CTNNA3: variants seen among roughly 807,000 people sequenced by gnomAD.
CTNNA3 encodes the protein catenin alpha 3.
A neutral mutation model predicts 95.7 loss-of-function variants in CTNNA3; 76 were observed. The observed-to-expected ratio is 0.79, with a 90% CI of 0.66 to 0.96. The LOEUF (loss-of-function observed/expected upper bound fraction) is 0.96, where lower values mean the gene tolerates loss of function less well. CTNNA3 is among the 40% of genes least tolerant of loss of function. The probability of loss-of-function intolerance (pLI) is 0.00; values close to 1 mark genes in which losing one functional copy is unlikely to be tolerated. For synonymous variants in CTNNA3, 431 were observed against 374.4 expected (o/e 1.15, Z -1.74); for missense variants, 1,191 against 1,089.8 (o/e 1.09, Z -1.31).
At chr10:67,118,657 T>C (rs921721097) in intron 7 of CTNNA3, among the ~76,000 whole-genome samples, 1 of 151,944 alleles carries the variant, frequency 6.6e-6, no homozygotes, top group Non-Finnish European at 1.5e-5. Flanking sequence ...CAAAATATTT[T>C]CTGAGTGCCT....
chr10:65,991,123 C>T (rs572066484), intron 15 of CTNNA3, among the ~76,000 whole-genome samples: 211 of 151,418 alleles, frequency 1.4e-3, no homozygotes, highest in Middle Eastern at 3.4e-3. Flanking sequence ...TCTATTTTTA[C>T]GCTCATACAA....
At chr10:66,878,319 C>G (rs927756096) in intron 7 of CTNNA3, among the ~76,000 whole-genome samples, 1 of 152,066 alleles carries the variant, frequency 6.6e-6, no homozygotes, top group African/African-American at 2.4e-5. Context: ...CTATTTGCAG[C>G]CTCAACTCCC....
intron 2 of CTNNA3, among the ~76,000 whole-genome samples, chr10:67,629,593 G>C (rs1163162716): frequency 6.6e-6 from 1 of 152,204 alleles, no homozygotes; most frequent in Non-Finnish European, 1.5e-5. Context: ...ACTCTGGATT[G>C]CTGCTGCTAA....
intron 6 of CTNNA3, among the ~76,000 whole-genome samples, chr10:67,181,996 C>T (rs1290896996): frequency 2.6e-5 from 4 of 151,832 alleles, no homozygotes; most frequent in Non-Finnish European, 4.4e-5. Context: ...ATGTGAAGGA[C>T]CTCTTCAAGG....
chr10:66,502,029 A>C (rs1840294183), intron 11 of CTNNA3, among the ~76,000 whole-genome samples: 1 of 152,268 alleles, frequency 6.6e-6, no homozygotes. Flanking sequence ...GAAATATTTC[A>C]GAATAAAAGT....
At chr10:66,859,561 G>A (rs1458207567) in intron 7 of CTNNA3, among the ~76,000 whole-genome samples, 2 of 151,154 alleles carry the variant, frequency 1.3e-5, no homozygotes, top group African/African-American at 2.4e-5. Context: ...CTTTTACACT[G>A]TTGGTGGGAC....
intron 15 of CTNNA3, among the ~76,000 whole-genome samples, chr10:66,023,972 T>C (rs1038001539): frequency 2.6e-5 from 4 of 152,164 alleles, no homozygotes; most frequent in Non-Finnish European, 5.9e-5. Flanking sequence ...TTCAGAAACA[T>C]TTCTTCTCAC....
chr10:66,434,814 G>C (rs1197387333), intron 11 of CTNNA3, among the ~76,000 whole-genome samples: 1 of 152,008 alleles, frequency 6.6e-6, no homozygotes, highest in Non-Finnish European at 1.5e-5. Context: ...TTTGAGATAT[G>C]TTCCATCAAT....
intron 10 of CTNNA3, among the ~76,000 whole-genome samples, chr10:66,567,971 A>G (rs1490155621): frequency 6.6e-6 from 1 of 152,194 alleles, no homozygotes; most frequent in African/African-American, 2.4e-5. Context: ...TGGAACAACT[A>G]CACTAAAATA....
At chr10:66,924,870 C>A (rs1373932292) in intron 7 of CTNNA3, among the ~76,000 whole-genome samples, 1 of 152,074 alleles carries the variant, frequency 6.6e-6, no homozygotes, top group Admixed American at 6.6e-5. Flanking sequence ...AAGTAACGCG[C>A]TTAAGGTTAC....
intron 17 of CTNNA3, among the ~76,000 whole-genome samples, chr10:65,928,781 A>G (rs1170428076): frequency 6.6e-6 from 1 of 152,110 alleles, no homozygotes; most frequent in Non-Finnish European, 1.5e-5. Flanking sequence ...AATGTTTCTC[A>G]TTATTTATGT....
intron 5 of CTNNA3, among the ~76,000 whole-genome samples, chr10:67,251,429 T>C (rs549972429): frequency 7.5e-4 from 114 of 152,280 alleles, no homozygotes; most frequent in Admixed American, 2.0e-3. Flanking sequence ...TCTGTAACTA[T>C]ACTAAAAACT....
chr10:66,977,785 G>T (rs781553721), intron 7 of CTNNA3, among the ~76,000 whole-genome samples: 38 of 152,260 alleles, frequency 2.5e-4, no homozygotes, highest in African/African-American at 4.1e-4. Context: ...GATAGTTTTT[G>T]TCCATAATTC....
At chr10:67,103,240 C>T (rs754193457) in intron 7 of CTNNA3, among the ~76,000 whole-genome samples, 5 of 151,840 alleles carry the variant, frequency 3.3e-5, no homozygotes, top group Non-Finnish European at 5.9e-5. Context: ...TGTGCTTTCC[C>T]ATATCAATGT....
At chr10:66,527,303 TA>T (rs1193596268) in intron 10 of CTNNA3, among the ~76,000 whole-genome samples, 1 of 152,178 alleles carries the variant, frequency 6.6e-6, no homozygotes, top group African/African-American at 2.4e-5. Flanking sequence ...CTGATTTGAT[TA>T]TTGCAGTTTG....
At chr10:66,949,366 G>C (rs7077731) in intron 7 of CTNNA3, among the ~76,000 whole-genome samples, 41,767 of 151,908 alleles carry the variant, frequency 0.27, 6,029 homozygotes, top group Middle Eastern at 0.33. Flanking sequence ...AGACCAGCCT[G>C]ACCAACATGG....
At chr10:65,933,133 A>G (rs1399974350) in intron 17 of CTNNA3, among the ~76,000 whole-genome samples, 1 of 152,140 alleles carries the variant, frequency 6.6e-6, no homozygotes, top group Non-Finnish European at 1.5e-5. Flanking sequence ...ATAGATAAAA[A>G]AAATACAACA....
chr10:67,378,449 A>C (rs1843779411), intron 5 of CTNNA3, among the ~76,000 whole-genome samples: 1 of 152,142 alleles, frequency 6.6e-6, no homozygotes, highest in Admixed American at 6.5e-5. Flanking sequence ...ACTTTATTAG[A>C]GTTCTACCAT....
chr10:67,486,889 C>T (rs1009435563), intron 5 of CTNNA3, among the ~76,000 whole-genome samples: 3 of 152,162 alleles, frequency 2.0e-5, no homozygotes, highest in African/African-American at 4.8e-5. Flanking sequence ...TGTTTTCTCA[C>T]ACTTTAGTCA....
Sources: allele counts gnomAD v4.1 joint callset (sites outside exome capture counted in the v4.1 genomes callset), GRCh38; gene constraint gnomAD v4.1.1; transcripts MANE v1.5; gene names NCBI Gene and HGNC (gene_info 2026-07-23, HGNC 2026-07-21).